RUNX3: variants seen among roughly 807,000 people sequenced by gnomAD.
The protein encoded by RUNX3 is RUNX family transcription factor 3.
Under a neutral mutation model 27.7 loss-of-function variants are expected in RUNX3, and 10 were observed. The ratio of observed to expected loss-of-function variants is 0.36; its 90% confidence interval spans 0.22 to 0.61. RUNX3 has a LOEUF of 0.61. RUNX3 is among the 20% of genes least tolerant of loss of function. The pLI is 0.72. For synonymous variants in RUNX3, 270 were observed against 269.2 expected (o/e 1.00, Z -0.03); for missense variants, 469 against 629.5 (o/e 0.75, Z 2.73).
intron 2 of RUNX3, among the ~76,000 whole-genome samples, chr1:24,937,907 G>A (rs1449065124): frequency 6.6e-6 from 1 of 152,184 alleles, no homozygotes; most frequent in Non-Finnish European, 1.5e-5. Context: ...TGTGGCTGGA[G>A]CCCTACCCTG....
intron 2 of RUNX3, among the ~76,000 whole-genome samples, chr1:24,950,149 C>T (rs546766387): frequency 2.0e-5 from 3 of 152,338 alleles, no homozygotes; most frequent in East Asian, 3.9e-4. Context: ...AATACAGGAC[C>T]CCTTTTCAAA....
intron 3 of RUNX3, among the ~76,000 whole-genome samples, chr1:24,911,442 C>A (rs901223231): frequency 6.6e-6 from 1 of 152,188 alleles, no homozygotes; most frequent in African/African-American, 2.4e-5. Flanking sequence ...AGTCTGGTGG[C>A]CTCACTCAAG....
At chr1:24,930,340 G>A, upstream of RUNX3, 2 of 568,966 alleles carry the variant, frequency 3.5e-6, no homozygotes, top group Non-Finnish European at 4.4e-6. The surrounding 1 kb of genome is among the most constrained non-coding windows in gnomAD (Gnocchi z 4.1). Context: ...CTGGCGGAGC[G>A]ACGCGTCGCA....
chr1:24,964,396 C>T, intron 2 of RUNX3: 1 of 801,100 alleles, frequency 1.2e-6, no homozygotes, highest in East Asian at 2.7e-5. Context: ...TTTCAGAGGC[C>T]AGCGGATTTA....
chr1:24,915,746 C>G (rs943245473), intron 3 of RUNX3, among the ~76,000 whole-genome samples: 1 of 152,052 alleles, frequency 6.6e-6, no homozygotes, highest in Non-Finnish European at 1.5e-5. Flanking sequence ...AGCCAGGATA[C>G]CAGGGTGGCC....
chr1:24,903,159 T>G (rs1640599864), intron 4 of RUNX3, among the ~76,000 whole-genome samples: 1 of 152,048 alleles, frequency 6.6e-6, no homozygotes, highest in African/African-American at 2.4e-5. Context: ...GACAAGAAAA[T>G]GGAGGCAGAG....
At chr1:24,934,500 C>T (rs528901093), upstream of RUNX3, among the ~76,000 whole-genome samples, 1 of 152,294 alleles carries the variant, frequency 6.6e-6, no homozygotes, top group East Asian at 1.9e-4. Context: ...TGTCCACGCT[C>T]CCCTGAGCCT....
At chr1:24,957,408 T>C (rs2124380283) in intron 2 of RUNX3, among the ~76,000 whole-genome samples, 1 of 152,228 alleles carries the variant, frequency 6.6e-6, no homozygotes, top group South Asian at 2.1e-4. Context: ...CTCTATCCAT[T>C]CAGTGAGAAG....
At chr1:24,914,599 A>T (rs2282719) in intron 3 of RUNX3, among the ~76,000 whole-genome samples, 6 of 151,976 alleles carry the variant, frequency 3.9e-5, no homozygotes, top group African/African-American at 9.7e-5. Flanking sequence ...GGGCTTCCAG[A>T]GGCCTGGGGT....
intron 2 of RUNX3, among the ~76,000 whole-genome samples, chr1:24,950,741 G>A (rs557329510): frequency 3.9e-4 from 60 of 152,286 alleles, no homozygotes; most frequent in African/African-American, 8.9e-4. Context: ...GCTCAGAAGA[G>A]GGCACCTGAC....
intron 2 of RUNX3, among the ~76,000 whole-genome samples, chr1:24,926,099 C>A (rs1641094424): frequency 6.6e-6 from 1 of 152,196 alleles, no homozygotes; most frequent in South Asian, 2.1e-4. Flanking sequence ...GCACCTTCTG[C>A]CCGCCTCGCA....
intron 2 of RUNX3, among the ~76,000 whole-genome samples, chr1:24,936,959 G>A (rs1641362233): frequency 6.6e-6 from 1 of 152,250 alleles, no homozygotes; most frequent in South Asian, 2.1e-4. Context: ...AAAAAAAAGT[G>A]CAGCCCTTTG....
At position 24,902,566 on chromosome 1, in the gene RUNX3, C is replaced by G; in HGVS notation, c.804G>C (p.Met268Ile). 6.3e-7 allele frequency: 1 copy of G among 1,578,266 alleles called. No homozygotes were observed. The highest frequency in any genetic ancestry group is 8.7e-7 in the Non-Finnish European group (1 of 1,155,956). ...CAGCTGACATGGCCCCGGGATAATG[C>G]ATCCTGGGGTCTGGGAAGCGGCTCT... ...LTESRFPDPR[M>I]HYPGAMSAAF... The change falls in exon 5 of 5, where the codon ATG (methionine) becomes ATC (isoleucine). Residue 268 changes from methionine to isoleucine, a missense_variant. By Grantham distance (10) the Met-to-Ile change is conservative. Coordinates refer to ENST00000308873, the MANE Select transcript of RUNX3 (RefSeq NM_004350.3). The surrounding 1 kb of genome is among the most constrained non-coding windows in gnomAD (Gnocchi z 9.2).
At chr1:24,919,442 T>A in intron 2 of RUNX3, 98 bp from the exon 3 acceptor site, 1 of 737,558 alleles carries the variant, frequency 1.4e-6, no homozygotes, top group Non-Finnish European at 2.3e-6. Flanking sequence ...CCCCTAACTG[T>A]CAAGAAGGGG....
At chr1:24,964,086 T>C (rs1329613911) in intron 2 of RUNX3, among the ~76,000 whole-genome samples, 1 of 152,102 alleles carries the variant, frequency 6.6e-6, no homozygotes, top group Non-Finnish European at 1.5e-5. Context: ...GGAAGACCCC[T>C]GCATCCCACA....
At chr1:24,932,249 G>C (rs370229413), upstream of RUNX3, among the ~76,000 whole-genome samples, 1 of 151,852 alleles carries the variant, frequency 6.6e-6, no homozygotes, top group South Asian at 2.1e-4. Context: ...GGCACCTGGC[G>C]CAGGGCCCGG....
intron 2 of RUNX3, among the ~76,000 whole-genome samples, chr1:24,944,648 G>A (rs1203417477): frequency 2.0e-5 from 3 of 152,252 alleles, no homozygotes; most frequent in African/African-American, 7.2e-5. Context: ...CAGTCGGAGG[G>A]AGATGGGGTG....
upstream of RUNX3, among the ~76,000 whole-genome samples, chr1:24,933,825 C>T (rs552724356): frequency 2.5e-4 from 38 of 152,328 alleles, no homozygotes; most frequent in African/African-American, 6.7e-4. Flanking sequence ...CTCTGTTCCC[C>T]ATATCCCGAA....
Position 24,923,947 on chromosome 1 carries a change from CAT to C in RUNX3, c.439+3625_439+3626del, listed in dbSNP as rs1395485274. ...GGGATTTGTGGTGGCGTGTGGTCAA[CAT>C]AGTGTTGGGGTGGCACTGCCAGCGT... is the stretch of plus-strand genomic sequence containing the variant. On this transcript the variant is annotated intron_variant, in intron 2 of 4. Coordinates refer to ENST00000308873, the MANE Select transcript of RUNX3 (RefSeq NM_004350.3). The surrounding 1 kb of genome is among the most constrained non-coding windows in gnomAD (Gnocchi z 5.9). Among the ~76,000 whole-genome samples the C allele has an allele frequency of 2.6e-5, 4 of 152,294 alleles. No individual in the cohort carries two copies. The South Asian group carries it at 6.2e-4, about 24-fold the overall frequency.
Sources: gnomAD v4.1 joint callset for allele counts (sites outside exome capture counted in the v4.1 genomes callset) on GRCh38, gnomAD v4.1.1 for gene constraint, Gnocchi (gnomAD v3.1) non-coding constraint, MANE v1.5 for transcripts, NCBI Gene and HGNC (gene_info 2026-07-23, HGNC 2026-07-21) for gene names.